Variants in SUCO observed in about 807,000 individuals in gnomAD.
The protein encoded by SUCO is SUN domain containing ossification factor, also known as SUN domain-containing ossification factor.
SUCO carries 57 observed loss-of-function variants against 148.1 expected under a neutral mutation model. That is an observed-to-expected ratio of 0.38 (90% CI 0.31 to 0.48). The LOEUF is 0.48. Among genes scored for constraint, SUCO ranks in the 20% least tolerant of loss-of-function variants. SUCO has a pLI of 0.96. For synonymous variants in SUCO, 470 were observed against 502.7 expected (o/e 0.93, Z 0.87); for missense variants, 1,331 against 1,468.2 (o/e 0.91, Z 1.53).
chr1:172,567,895 C>T (rs576258804), intron 6 of SUCO, among the ~76,000 whole-genome samples: 1 of 152,324 alleles, frequency 6.6e-6, no homozygotes, highest in South Asian at 2.1e-4. Flanking sequence ...GCCCCAACCC[C>T]CAGGCCACAG....
At chr1:172,605,223 T>C (rs1657788965) in intron 22 of SUCO, among the ~76,000 whole-genome samples, 2 of 151,916 alleles carry the variant, frequency 1.3e-5, no homozygotes, top group Non-Finnish European at 2.9e-5. Context: ...CCTGTACTTT[T>C]GGGTCATATC....
chr1:172,601,058 G>C (rs894247474), intron 20 of SUCO, among the ~76,000 whole-genome samples: 1 of 152,162 alleles, frequency 6.6e-6, no homozygotes, highest in African/African-American at 2.4e-5. Flanking sequence ...TTGAATCTTT[G>C]TATCATTAGA....
intron 17 of SUCO, 47 bp downstream of exon 17, chr1:172,585,995 A>G: frequency 8.1e-7 from 1 of 1,232,392 alleles, no homozygotes; most frequent in Non-Finnish European, 1.2e-6. Context: ...CAATGGAGAG[A>G]TAAGTATATT....
At chr1:172,553,649 GTC>G (rs1186898345) in intron 3 of SUCO, among the ~76,000 whole-genome samples, 2 of 151,946 alleles carry the variant, frequency 1.3e-5, no homozygotes, top group Non-Finnish European at 1.5e-5. Flanking sequence ...GATGTATCTT[GTC>G]TCTTCAGATT....
intron 6 of SUCO, among the ~76,000 whole-genome samples, chr1:172,561,501 T>C (rs1016238757): frequency 1.3e-5 from 2 of 152,138 alleles, no homozygotes; most frequent in African/African-American, 4.8e-5. Context: ...TGTAGAATTA[T>C]GTTTCTACCC....
chr1:172,562,113 A>G (rs888771041), intron 6 of SUCO, among the ~76,000 whole-genome samples: 2 of 152,066 alleles, frequency 1.3e-5, no homozygotes, highest in Admixed American at 1.3e-4. Flanking sequence ...GGAGGAAAAC[A>G]CTGCTCCCAC....
At position 172,578,456 on chromosome 1, in the gene SUCO, G is replaced by A. The variant is rs1558196024; in HGVS notation, c.1432+67G>A. The A allele has an allele frequency of 2.7e-6, 4 of 1,499,502 alleles. No homozygotes were observed. The African/African-American group carries it at 5.6e-5, about 21-fold the overall frequency. The allele number at this position is 1,499,502 out of a possible 1,614,324, so 92.9% of individuals were successfully genotyped here. A position where few individuals can be genotyped will look rare whatever the true frequency, so the allele number is the denominator to read the frequency against. ...TACTTTTTAAAAATCGAATAGTAAT[G>A]GGGGAGTATAGCTTACTTAAATCAA... On this transcript the variant is annotated intron_variant, in intron 14 of 23. Coordinates refer to ENST00000263688, the MANE Select transcript of SUCO (RefSeq NM_014283.5).
chr1:172,542,691 T>C, intron 1 of SUCO: 1 of 982,116 alleles, frequency 1.0e-6, no homozygotes, highest in Non-Finnish European at 1.2e-6. Context: ...ATGAAACTGG[T>C]CTCTGGTGCC....
chr1:172,609,330 T>A, intron 23 of SUCO: 1 of 985,212 alleles, frequency 1.0e-6, no homozygotes, highest in Non-Finnish European at 1.2e-6. Flanking sequence ...ATTTTAGTTG[T>A]AATTTCATCT....
rs926360782 is a variant in SUCO, at chr1:172,605,158, G to A, written c.3265+2371G>A. Among the ~76,000 whole-genome samples the A allele has an allele frequency of 6.0e-4, 91 of 151,660 alleles. 2 individuals carry two copies. The highest frequency in any genetic ancestry group is 2.1e-3 in the African/African-American group (88 of 41,442). On this transcript the variant is annotated intron_variant, in intron 22 of 23. Coordinates refer to ENST00000263688, the MANE Select transcript of SUCO (RefSeq NM_014283.5). ...TTTTCACTGTTTTGATTGTGTCCTT[G>A]GATGTACAGTTTTTAAGTTCAACGA...
At chr1:172,587,840 G>A (rs1328340701) in intron 17 of SUCO, among the ~76,000 whole-genome samples, 1 of 151,878 alleles carries the variant, frequency 6.6e-6, no homozygotes, top group Admixed American at 6.6e-5. Flanking sequence ...TTTCATATTG[G>A]ACTTTTTATG....
At chr1:172,576,407 A>G (rs1194466432) in intron 11 of SUCO, among the ~76,000 whole-genome samples, 1 of 151,670 alleles carries the variant, frequency 6.6e-6, no homozygotes, top group East Asian at 1.9e-4. Flanking sequence ...AGCATGTTTT[A>G]AATTGACTTC....
rs1479659407 is a variant in SUCO at position 172,575,590 on chromosome 1, T to G, written c.1230T>G (p.Pro410=). 6.2e-7 allele frequency: 1 copy of G among 1,611,872 alleles called. No individual in the cohort carries two copies. The highest frequency in any genetic ancestry group is 8.5e-7 in the Non-Finnish European group (1 of 1,178,476). ...GRDERNVQSF[P]LDEQMYAKYV... is the part of the protein sequence containing the mutation. ...ATGAGCGGAATGTACAGAGTTTCCC[T>G]TTAGATGAACAGATGTATGCAAAAT... The change falls in exon 11 of 24, where the codon CCT becomes CCG. Residue 410 remains proline (P), a synonymous_variant. Coordinates refer to ENST00000263688, the MANE Select transcript of SUCO (RefSeq NM_014283.5).
At chr1:172,535,751 A>G (rs933646393) in intron 1 of SUCO, among the ~76,000 whole-genome samples, 5 of 152,168 alleles carry the variant, frequency 3.3e-5, no homozygotes, top group Non-Finnish European at 5.9e-5. Flanking sequence ...TGAGTGCTGT[A>G]TGTCTGTTCT....
chr1:172,567,918 C>A (rs1654676233), intron 6 of SUCO, among the ~76,000 whole-genome samples: 1 of 152,168 alleles, frequency 6.6e-6, no homozygotes, highest in South Asian at 2.1e-4. Context: ...CAGCACCAGT[C>A]CATGGCCTGT....
At chr1:172,563,643 A>C (rs368564462) in intron 6 of SUCO, among the ~76,000 whole-genome samples, 122 of 152,372 alleles carry the variant, frequency 8.0e-4, no homozygotes, top group African/African-American at 2.9e-3. Flanking sequence ...ACTTATATTT[A>C]AAACGGAAGC....
At chr1:172,601,912 A>G in intron 20 of SUCO, 152 bp from the exon 21 acceptor site, 1 of 665,694 alleles carries the variant, frequency 1.5e-6, no homozygotes, top group Non-Finnish European at 2.3e-6. Flanking sequence ...TTAATGTCAT[A>G]GTTTATTTTC....
At chr1:172,556,848 G>A in intron 4 of SUCO, 4 of 844,282 alleles carry the variant, frequency 4.7e-6, no homozygotes, top group Non-Finnish European at 5.7e-6. Context: ...AAAATGACTG[G>A]TTAATGAAAT....
intron 11 of SUCO, chr1:172,577,066 TA>T (rs1655499733): frequency 2.8e-6 from 2 of 726,128 alleles, no homozygotes; most frequent in Non-Finnish European, 1.7e-6. Flanking sequence ...TATACAAGTA[TA>T]AATATCATTC....
Sources: gnomAD v4.1 joint callset for allele counts (sites outside exome capture counted in the v4.1 genomes callset) on GRCh38, gnomAD v4.1.1 for gene constraint, MANE v1.5 for transcripts, NCBI Gene and HGNC (gene_info 2026-07-23, HGNC 2026-07-21) for gene names.